The following PCDH12 variants were observed in gnomAD, a reference collection of about 807,000 sequenced individuals.
PCDH12 encodes the protein protocadherin-12.
Under a neutral mutation model 70.9 loss-of-function variants are expected in PCDH12, and 45 were observed. That is an observed-to-expected ratio of 0.63 (90% CI 0.50 to 0.81). The LOEUF is 0.81. Ranked by LOEUF, PCDH12 falls within the 40% of genes least tolerant of loss-of-function variation. The probability of loss-of-function intolerance (pLI) is 0.00; values close to 1 mark genes in which losing one functional copy is unlikely to be tolerated. For synonymous variants in PCDH12, 567 were observed against 626.0 expected, an observed-to-expected ratio of 0.91 and a Z score of 1.41; for missense variants, 1,370 against 1,491.7, an observed-to-expected ratio of 0.92 and a Z score of 1.34.
Position 141,955,617 on chromosome 5 carries a change from C to T in PCDH12, c.2235G>A (p.Lys745=). 1 of 1,611,594 alleles carries T rather than the reference C, an allele frequency of 6.2e-7. No homozygotes were observed. The highest frequency in any genetic ancestry group is 8.5e-7 in the Non-Finnish European group (1 of 1,179,928). The change falls in exon 1 of 4, where the codon AAG becomes AAA. Residue 745 remains lysine (K), a synonymous_variant. Coordinates refer to ENST00000231484, the MANE Select transcript of PCDH12 (RefSeq NM_016580.4). This position sits in a 1 kb window ranked among gnomAD's most constrained non-coding sequence, Gnocchi z 5.5. ...CCCGACAGTTGTAGGCCCTGTTGTC[C>T]TTCTTTTCTGTCCGGCAGATGGACA... ...LFMSICRTEK[K]DNRAYNCREA...
rs975812970 is a variant in PCDH12, at chr5:141,958,044, G to T, written c.-193C>A. On this transcript the variant is annotated 5_prime_UTR_variant, in exon 1 of 4. Coordinates refer to ENST00000231484, the MANE Select transcript of PCDH12 (RefSeq NM_016580.4). ...AGGCAAGGCCATCTTCATTGGAAGC[G>T]ATCTGAGATGTCCAAACGCCGATCA... The T allele has an allele frequency of 3.1e-6, 2 of 636,794 alleles. No homozygotes were observed. The highest frequency in any genetic ancestry group is 5.3e-6 in the Non-Finnish European group (2 of 377,328). The allele number at this position is 636,794 out of a possible 1,614,324, so 39.4% of individuals were successfully genotyped here. A position where few individuals can be genotyped will look rare whatever the true frequency, so the allele number is the denominator to read the frequency against.
At chr5:141,951,685 T>A in intron 1 of PCDH12, 95 bp from the exon 2 acceptor site, 1 of 885,100 alleles carries the variant, frequency 1.1e-6, no homozygotes, top group Non-Finnish European at 1.9e-6. Context: ...TTTCTTTTTA[T>A]AGTCTTTCCT....
rs1415982854 is a variant in PCDH12, at chr5:141,951,669, C to T, written c.2881-79G>A. On this transcript the variant is annotated intron_variant, in intron 1 of 3. Coordinates refer to ENST00000231484, the MANE Select transcript of PCDH12 (RefSeq NM_016580.4). ...CCTCGCCGGATGTTTCCCTCAATGC[C>T]GGTGCTTTCTTTTTATAGTCTTTCC... 11 of 1,027,294 alleles carry T rather than the reference C, an allele frequency of 1.1e-5. 1 individual carries two copies. In the Middle Eastern group the frequency reaches 6.0e-4, roughly 56 times the overall value. The allele number at this position is 1,027,294 out of a possible 1,614,324, so 63.6% of individuals were successfully genotyped here.
chr5:141,948,364 G>A (rs994146775), intron 3 of PCDH12, among the ~76,000 whole-genome samples: 1 of 152,170 alleles, frequency 6.6e-6, no homozygotes, highest in African/African-American at 2.4e-5. Flanking sequence ...CCTTCAGTGT[G>A]TCTGCAGCCA....
chr5:141,953,367 A>G (rs1345010116), intron 1 of PCDH12: 2 of 152,240 alleles, frequency 1.3e-5, no homozygotes, highest in African/African-American at 4.8e-5. Flanking sequence ...ATCCCATGAT[A>G]AACAGTGATT....
At chr5:141,952,118 A>G (rs1376017751) in intron 1 of PCDH12, among the ~76,000 whole-genome samples, 1 of 152,118 alleles carries the variant, frequency 6.6e-6, no homozygotes, top group Non-Finnish European at 1.5e-5. Context: ...GGTGGTTGCT[A>G]TGGGAGTAAG....
At position 141,944,135 on chromosome 5, in the gene PCDH12, T is replaced by A. The variant is rs1355436667; in HGVS notation, c.*1246A>T. The A allele has an allele frequency of 6.6e-6, 1 of 152,310 alleles. No individual in the cohort carries two copies. The allele number at this position is 152,310 out of a possible 1,614,324, so 9.4% of individuals were successfully genotyped here. ...GAACCTTGGGAAAATATCTGCTGTT[T>A]CTTCCCTCCCCCATCCCCTGGAAGG... is the stretch of plus-strand genomic sequence containing the variant. On this transcript the variant is annotated 3_prime_UTR_variant, in exon 4 of 4. Transcript: ENST00000231484.
At position 141,955,848 on chromosome 5, in the gene PCDH12, C is replaced by T; in HGVS notation, c.2004G>A (p.Gly668=). 2.5e-6 allele frequency: 4 copies of T among 1,614,122 alleles called. No homozygotes were observed. Among genetic ancestry groups the T allele is most frequent in the Non-Finnish European group, 3.4e-6 (4 of 1,180,020 alleles). ...VNVTNASSLI[G]SEWELEIVVE... ...CTACTATCTCCAGCTCCCACTCACT[C>T]CCAATGAGGCTGCTGGCATTGGTGA... The change falls in exon 1 of 4, where the codon GGG becomes GGA. Residue 668 remains glycine, a synonymous_variant. Transcript: ENST00000231484. The surrounding 1 kb of genome is among the most constrained non-coding windows in gnomAD (Gnocchi z 5.5).
At chr5:141,951,738 A>G (rs888357826) in intron 1 of PCDH12, 148 bp from the exon 2 acceptor site, 1 of 670,618 alleles carries the variant, frequency 1.5e-6, no homozygotes, top group African/African-American at 1.8e-5. Flanking sequence ...GATGGTGCCC[A>G]GTGACAGAGA....
chr5:141,954,377 G>A (rs1753140538), intron 1 of PCDH12, among the ~76,000 whole-genome samples: 1 of 152,242 alleles, frequency 6.6e-6, no homozygotes, highest in South Asian at 2.1e-4. Context: ...GCAAATAGTG[G>A]AGATGGAGAA....
intron 1 of PCDH12, 43 bp downstream of exon 1, chr5:141,954,929 G>A (rs1753147554): frequency 6.3e-7 from 1 of 1,576,336 alleles, no homozygotes; most frequent in African/African-American, 1.3e-5. Context: ...GTTTCTGGTG[G>A]TCCAGGAGTG....
At chr5:141,954,376 G>T (rs1242321476) in intron 1 of PCDH12, among the ~76,000 whole-genome samples, 2 of 152,216 alleles carry the variant, frequency 1.3e-5, no homozygotes, top group Non-Finnish European at 2.9e-5. Flanking sequence ...GGCAAATAGT[G>T]GAGATGGAGA....
At chr5:141,947,695 A>T (rs1752974514) in intron 3 of PCDH12, among the ~76,000 whole-genome samples, 1 of 152,182 alleles carries the variant, frequency 6.6e-6, no homozygotes, top group Non-Finnish European at 1.5e-5. Context: ...AACCAGGAAA[A>T]CATTATCATG....
chr5:141,957,946 G>A lies in PCDH12; in HGVS notation c.-95C>T, dbSNP rs1393696254. 31 of 1,421,260 alleles carry A rather than the reference G, an allele frequency of 2.2e-5. No homozygotes were observed. The East Asian group carries it at 5.5e-4, about 25-fold the overall frequency. The allele number at this position is 1,421,260 out of a possible 1,614,324, so 88.0% of individuals were successfully genotyped here. A position where few individuals can be genotyped will look rare whatever the true frequency, so the allele number is the denominator to read the frequency against. On this transcript the variant is annotated 5_prime_UTR_variant, in exon 1 of 4. The change creates a new upstream start codon in the 5' untranslated region. Coordinates refer to ENST00000231484, the MANE Select transcript of PCDH12 (RefSeq NM_016580.4). The surrounding 1 kb of genome is among the most constrained non-coding windows in gnomAD (Gnocchi z 4.3). ...TTTCCTGGATGGCTTGATCAGCCCC[G>A]TGCTCCTTCCCCCAGAGCTGCCGGC...
rs1000398313 is a variant in PCDH12, at chr5:141,944,653, T to G, written c.*728A>C. 6.6e-6 allele frequency: 1 copy of G among 152,236 alleles called. No individual in the cohort carries two copies. Among genetic ancestry groups the G allele is most frequent in the Non-Finnish European group, 1.5e-5 (1 of 68,040 alleles). 9.4% of individuals were successfully genotyped at this position (152,236 alleles called of 1,614,324 possible). ...TGAAATGGGGTTAATAATACCTCCC[T>G]CCCAGGATTGTTGGAAAATCAAATT... On this transcript the variant is annotated 3_prime_UTR_variant, in exon 4 of 4. Coordinates refer to ENST00000231484, the MANE Select transcript of PCDH12 (RefSeq NM_016580.4).
intron 2 of PCDH12, among the ~76,000 whole-genome samples, chr5:141,950,593 T>G (rs1753060853): frequency 6.6e-6 from 1 of 151,934 alleles, no homozygotes. Flanking sequence ...CCCCATAGAT[T>G]AAGAGATAAA....
Position 141,955,558 on chromosome 5 carries a change from C to G in PCDH12, c.2294G>C (p.Arg765Thr). Reference sequence around the variant, plus strand: ...TGCCTTCTGAATGTGTTTCTGGGGCCTCTTGGGCTGCTGGCGGTAGGTGGA... The same window carrying G: ...TGCCTTCTGAATGTGTTTCTGGGGCGTCTTGGGCTGCTGGCGGTAGGTGGA... Reference protein sequence around the residue: ...AESTYRQQPKRPQKHIQKADI... With the variant: ...AESTYRQQPKTPQKHIQKADI... Residue 765 changes from arginine to threonine, a missense_variant, in exon 1 of 4, where the codon AGG (arginine) becomes ACG (threonine). By Grantham distance (71) the Arg-to-Thr change is moderately conservative. Coordinates refer to ENST00000231484, the MANE Select transcript of PCDH12 (RefSeq NM_016580.4). This position sits in a 1 kb window ranked among gnomAD's most constrained non-coding sequence, Gnocchi z 5.5. The G allele has an allele frequency of 6.2e-7, 1 of 1,614,172 alleles. No homozygotes were observed. The highest frequency in any genetic ancestry group is 2.2e-5 in the East Asian group (1 of 44,872).
Position 141,945,411 on chromosome 5 carries a change from T to TGCTGCCG in PCDH12, c.3524_3525insCGGCAGC (p.Arg1175SerfsTer40), listed in dbSNP as rs1561531770. On this transcript the variant is annotated frameshift_variant, in exon 4 of 4. Coordinates refer to ENST00000231484, the MANE Select transcript of PCDH12 (RefSeq NM_016580.4). LOFTEE classifies it high-confidence loss of function. ...GGCACCTGCTGCTGCTGCTGCTGCC[T>TGCTGCCG]CTGCTCTTGCCCTCAGTCCCCGTCT... The TGCTGCCG allele has an allele frequency of 1.7e-6, 2 of 1,157,844 alleles. No individual in the cohort carries two copies. The highest frequency in any genetic ancestry group is 1.2e-6 in the Non-Finnish European group (1 of 848,610). 71.7% of individuals were successfully genotyped at this position (1,157,844 alleles called of 1,614,324 possible).
At position 141,955,731 on chromosome 5, in the gene PCDH12, G is replaced by T. The variant is rs1168434177; in HGVS notation, c.2121C>A (p.Arg707=). Residue 707 remains arginine, a synonymous_variant, in exon 1 of 4, where the codon CGC becomes CGA. Coordinates refer to ENST00000231484, the MANE Select transcript of PCDH12 (RefSeq NM_016580.4). This position sits in a 1 kb window ranked among gnomAD's most constrained non-coding sequence, Gnocchi z 5.5. ...TCGACATGCTCAAGGCCCCAGGCTT[G>T]CGGGCTGAGTCCCTCAGGTGGTCCA... ...TSVDHLRDSA[R]KPGALSMSML... is the part of the protein sequence containing the mutation. 1 of 1,614,022 alleles carries T rather than the reference G, an allele frequency of 6.2e-7. No individual in the cohort carries two copies. The highest frequency in any genetic ancestry group is 1.3e-5 in the African/African-American group (1 of 74,918).
Sources: gnomAD v4.1 joint callset for allele counts (sites outside exome capture counted in the v4.1 genomes callset) on GRCh38, gnomAD v4.1.1 for gene constraint, Gnocchi (gnomAD v3.1) non-coding constraint, MANE v1.5 for transcripts, NCBI Gene and HGNC (gene_info 2026-07-23, HGNC 2026-07-21) for gene names.